The following CAMK2D variants were observed in gnomAD, a reference collection of about 807,000 sequenced individuals.
The protein encoded by CAMK2D is calcium/calmodulin-dependent protein kinase type II subunit delta.
Under a neutral mutation model 84.0 loss-of-function variants are expected in CAMK2D, and 37 were observed. The observed-to-expected ratio is 0.44, with a 90% confidence interval of 0.34 to 0.58. CAMK2D has a LOEUF of 0.58. Among genes scored for constraint, CAMK2D ranks in the 20% least tolerant of loss-of-function variants. The pLI, the probability that CAMK2D is intolerant of heterozygous loss-of-function variation, is 0.02. For synonymous variants in CAMK2D, 202 were observed against 212.5 expected (o/e 0.95, Z 0.43); for missense variants, 448 against 652.5 (o/e 0.69, Z 3.41).
chr4:113,673,566 G>A (rs1490223945), intron 2 of CAMK2D, among the ~76,000 whole-genome samples: 3 of 152,226 alleles, frequency 2.0e-5, no homozygotes, highest in Admixed American at 6.5e-5. Flanking sequence ...TCCCTAAGAG[G>A]ATTTATCCGA....
intron 3 of CAMK2D, among the ~76,000 whole-genome samples, chr4:113,647,927 A>C (rs6847611): frequency 2.0e-5 from 3 of 152,046 alleles, no homozygotes; most frequent in Non-Finnish European, 4.4e-5. Flanking sequence ...GAGTTCTCTT[A>C]GAGAGTTCCT....
chr4:113,492,035 T>C (rs978549298), intron 16 of CAMK2D, among the ~76,000 whole-genome samples: 4 of 151,028 alleles, frequency 2.6e-5, no homozygotes, highest in African/African-American at 5.0e-5. Flanking sequence ...TCTCTCTTTT[T>C]TTCTTTATTA....
intron 4 of CAMK2D, among the ~76,000 whole-genome samples, chr4:113,572,917 C>T (rs2098761328): frequency 1.3e-5 from 2 of 152,034 alleles, no homozygotes; most frequent in South Asian, 4.1e-4. Flanking sequence ...CTGGAGGTTA[C>T]CATCCTTAGC....
At chr4:113,519,368 A>T (rs1353200455) in intron 8 of CAMK2D, among the ~76,000 whole-genome samples, 1 of 152,240 alleles carries the variant, frequency 6.6e-6, no homozygotes, top group Non-Finnish European at 1.5e-5. Context: ...GGAAGCTCAC[A>T]GAGGGCTCAT....
chr4:113,669,567 C>T (rs1456013835), intron 2 of CAMK2D, among the ~76,000 whole-genome samples: 1 of 152,184 alleles, frequency 6.6e-6, no homozygotes, highest in Non-Finnish European at 1.5e-5. Flanking sequence ...TCTGATTATA[C>T]CCTTCGTAGC....
At chr4:113,630,348 G>GA (rs1258830100) in intron 3 of CAMK2D, among the ~76,000 whole-genome samples, 1 of 152,060 alleles carries the variant, frequency 6.6e-6, no homozygotes, top group Non-Finnish European at 1.5e-5. Context: ...TGAATTATTA[G>GA]ACCTGGGGTT....
At chr4:113,526,081 A>G (rs541740804) in intron 8 of CAMK2D, among the ~76,000 whole-genome samples, 10 of 152,338 alleles carry the variant, frequency 6.6e-5, no homozygotes, top group Admixed American at 5.9e-4. Flanking sequence ...ATCCCACAAC[A>G]ATGACCAAGA....
At chr4:113,527,337 C>T (rs1336665807) in intron 8 of CAMK2D, among the ~76,000 whole-genome samples, 1 of 151,794 alleles carries the variant, frequency 6.6e-6, no homozygotes, top group Non-Finnish European at 1.5e-5. Flanking sequence ...CTCTTGGACT[C>T]AAGATCCTCC....
At chr4:113,709,780 T>TATATATGA (rs1554070846) in intron 2 of CAMK2D, among the ~76,000 whole-genome samples, 6 of 129,272 alleles carry the variant, frequency 4.6e-5, no homozygotes, top group African/African-American at 1.8e-4. Context: ...TATATATATA[T>TATATATGA]ATGAGAGACT....
chr4:113,608,655 TACTATATCCCTGCC>T (rs1047988938), intron 4 of CAMK2D, among the ~76,000 whole-genome samples: 8 of 152,234 alleles, frequency 5.3e-5, no homozygotes, highest in Non-Finnish European at 2.9e-5. Flanking sequence ...TGGCCTGTTT[TACTATATCCCTGCC>T]ACTATATCCC....
At chr4:113,679,282 C>T (rs185862528) in intron 2 of CAMK2D, 82 of 158,090 alleles carry the variant, frequency 5.2e-4, no homozygotes, top group Non-Finnish European at 7.8e-4. Flanking sequence ...TCTGTGACCA[C>T]AACATAAATA....
chr4:113,505,028 T>C lies in CAMK2D; in HGVS notation c.992A>G (p.Asn331Ser). Residue 331 changes from asparagine (N) to serine (S), a missense_variant, in exon 14 of 21, where the codon AAC becomes AGC. This residue lies in a region of CAMK2D where 219 missense variants were observed against 272.1 expected (regional missense o/e 0.80). Coordinates refer to ENST00000511664, the MANE Select transcript of CAMK2D (RefSeq NM_001321571.2). ...LKKPDGVKINNKANVVTSPKE... is the reference protein window; with the variant it reads ...LKKPDGVKINSKANVVTSPKE... ...GGGGCTGGTTACCACGTTGGCTTTG[T>C]TGTTTATCTGTGGGTATGCAGAAAA... 6.3e-7 allele frequency: 1 copy of C among 1,579,436 alleles called. No homozygotes were observed. The highest frequency in any genetic ancestry group is 8.5e-7 in the Non-Finnish European group (1 of 1,169,782).
At chr4:113,532,029 TAAAC>T (rs1409202547) in intron 7 of CAMK2D, among the ~76,000 whole-genome samples, 1 of 152,012 alleles carries the variant, frequency 6.6e-6, no homozygotes, top group African/African-American at 2.4e-5. Flanking sequence ...AAAGCACAAA[TAAAC>T]TAAAAAAAAC....
At chr4:113,540,071 A>T (rs2098520159) in intron 6 of CAMK2D, among the ~76,000 whole-genome samples, 1 of 152,138 alleles carries the variant, frequency 6.6e-6, no homozygotes, top group Admixed American at 6.5e-5. Flanking sequence ...TAATCCTCCT[A>T]TCATGTTCTG....
intron 8 of CAMK2D, among the ~76,000 whole-genome samples, chr4:113,527,549 C>T (rs75675067): frequency 0.031 from 4,648 of 152,114 alleles, 256 homozygotes; most frequent in African/African-American, 0.1. Flanking sequence ...GATATTTGTT[C>T]TATTGTGAGA....
intron 16 of CAMK2D, among the ~76,000 whole-genome samples, chr4:113,474,163 A>G (rs2097577342): frequency 6.6e-6 from 1 of 152,340 alleles, no homozygotes; most frequent in Non-Finnish European, 1.5e-5. Flanking sequence ...ACCATTGAGT[A>G]TTTCAAGTAT....
At chr4:113,571,437 G>A (rs1158714135) in intron 4 of CAMK2D, among the ~76,000 whole-genome samples, 1 of 152,074 alleles carries the variant, frequency 6.6e-6, no homozygotes, top group Non-Finnish European at 1.5e-5. Flanking sequence ...AAAGACAATG[G>A]AATACTATTC....
intron 2 of CAMK2D, among the ~76,000 whole-genome samples, chr4:113,726,273 T>A (rs2099545505): frequency 6.6e-6 from 1 of 152,172 alleles, no homozygotes; most frequent in African/African-American, 2.4e-5. Flanking sequence ...CTCATTAGTT[T>A]TGTTGTACAC....
chr4:113,499,794 C>G (rs1185229092), intron 16 of CAMK2D, among the ~76,000 whole-genome samples: 1 of 152,094 alleles, frequency 6.6e-6, no homozygotes, highest in Admixed American at 6.6e-5. Flanking sequence ...GCAATTGATA[C>G]AAAAGTAATA....
Sources: allele counts gnomAD v4.1 joint callset (sites outside exome capture counted in the v4.1 genomes callset), GRCh38; gene constraint gnomAD v4.1.1; regional missense constraint gnomAD v4.1.1; transcripts MANE v1.5; gene names NCBI Gene and HGNC (gene_info 2026-07-23, HGNC 2026-07-21).